The following NBAS variants were observed in gnomAD, a reference collection of about 807,000 sequenced individuals.
NBAS encodes the protein NAG/BC035112 fusion.
Under a neutral mutation model 302.5 loss-of-function variants are expected in NBAS, and 219 were observed. That is an observed-to-expected ratio of 0.72 (90% CI 0.65 to 0.81). The LOEUF is 0.81. Among genes scored for constraint, NBAS ranks in the 30% least tolerant of loss-of-function variants. The probability of loss-of-function intolerance (pLI) is 0.00; values close to 1 mark genes in which losing one functional copy is unlikely to be tolerated. For synonymous variants in NBAS, 1,118 were observed against 1,021.6 expected (o/e 1.09, Z -1.80); for missense variants, 2,932 against 2,841.6 (o/e 1.03, Z -0.72).
At chr2:14,787,582 G>T in the NBAS span, among the ~76,000 whole-genome samples, 5 of 152,194 alleles carry the variant, frequency 3.3e-5, no homozygotes, top group East Asian at 9.7e-4. Flanking sequence ...CACTTATGAA[G>T]CTTAGTTTGG....
At chr2:14,993,781 CAA>C in the NBAS span, among the ~76,000 whole-genome samples, 2 of 152,070 alleles carry the variant, frequency 1.3e-5, no homozygotes, top group Non-Finnish European at 2.9e-5. Context: ...AATGTATTCC[CAA>C]GAGACTTTTA....
In NBAS at chr2:15,439,078, G is replaced by A. The variant is rs965421131; in HGVS notation, c.2340-11284C>T. 1.1e-4 allele frequency among the ~76,000 whole-genome samples: 17 copies of A among 152,170 alleles called. No homozygotes were observed. In the East Asian group the frequency reaches 2.3e-3, roughly 21 times the overall value. On this transcript the variant is annotated intron_variant, in intron 21 of 51. Coordinates refer to ENST00000281513, the MANE Select transcript of NBAS (RefSeq NM_015909.4). ...TGGGAGGCCGAGGCAGGCGGACCAC[G>A]AGGTCTGCAGATCGAGACCATCCTG...
chr2:15,124,064 G>C, the NBAS span, among the ~76,000 whole-genome samples: 60 of 152,294 alleles, frequency 3.9e-4, no homozygotes, highest in African/African-American at 1.4e-3. Context: ...TGAATTCCAG[G>C]CTGACAAGGT....
At chr2:15,021,625 T>C in the NBAS span, among the ~76,000 whole-genome samples, 1 of 148,116 alleles carries the variant, frequency 6.8e-6, no homozygotes, top group East Asian at 2.1e-4. Flanking sequence ...ATTCACCCAC[T>C]TTGGCCCTGA....
At chr2:15,286,933 G>A (rs982916197) in intron 42 of NBAS, 140 bp downstream of exon 42, 2 of 675,954 alleles carry the variant, frequency 3.0e-6, no homozygotes, top group African/African-American at 3.6e-5. Flanking sequence ...AGATGTATAA[G>A]GAAAGAACTT....
chr2:15,186,874 G>T lies in NBAS; in HGVS notation c.6579C>A (p.Thr2193=), dbSNP rs1006731314. 3.1e-6 allele frequency: 5 copies of T among 1,613,726 alleles called. No homozygotes were observed. In the African/African-American group the frequency reaches 5.3e-5, roughly 17 times the overall value. Residue 2193 remains threonine (T), a synonymous_variant, in exon 50 of 52, where the codon ACC becomes ACA. Coordinates refer to ENST00000281513, the MANE Select transcript of NBAS (RefSeq NM_015909.4). ...TAGCTAGTCTCACCCATGGATTATT[G>T]GTTATGCTGGTGTTTATGGAGAAAA... ...WPPMKSEYVI[T]NNPWVRLATV...
the NBAS span, among the ~76,000 whole-genome samples, chr2:14,807,141 A>AG: frequency 0.085 from 12,866 of 150,754 alleles, 1,553 homozygotes; most frequent in African/African-American, 0.27. Context: ...TGTAAATATC[A>AG]GGGGGGGGTT....
At chr2:15,226,520 C>A (rs1667158029) in intron 47 of NBAS, among the ~76,000 whole-genome samples, 2 of 152,224 alleles carry the variant, frequency 1.3e-5, no homozygotes, top group South Asian at 4.2e-4. Context: ...TTATAGATTT[C>A]TTTTATGAAA....
At chr2:15,409,824 A>G (rs1410578552) in intron 25 of NBAS, among the ~76,000 whole-genome samples, 1 of 152,230 alleles carries the variant, frequency 6.6e-6, no homozygotes, top group Non-Finnish European at 1.5e-5. Flanking sequence ...TTGTAAACTT[A>G]TCCTCATCAA....
At chr2:15,421,520 A>G (rs1677211509) in intron 23 of NBAS, among the ~76,000 whole-genome samples, 1 of 152,182 alleles carries the variant, frequency 6.6e-6, no homozygotes, top group South Asian at 2.1e-4. Context: ...GAAGTCCCAC[A>G]TCAATTAAAT....
intron 31 of NBAS, among the ~76,000 whole-genome samples, chr2:15,371,900 T>A (rs1047175765): frequency 6.6e-6 from 1 of 152,210 alleles, no homozygotes; most frequent in Non-Finnish European, 1.5e-5. Context: ...ACACTAATTC[T>A]ATGATTATTT....
chr2:14,882,081 T>G, the NBAS span, among the ~76,000 whole-genome samples: 4 of 152,108 alleles, frequency 2.6e-5, no homozygotes, highest in African/African-American at 4.8e-5. Context: ...CTCTCTCCAT[T>G]ACCCTAGCAC....
chr2:15,505,112 A>G (rs969502074), intron 10 of NBAS, among the ~76,000 whole-genome samples: 2 of 152,224 alleles, frequency 1.3e-5, no homozygotes, highest in Non-Finnish European at 2.9e-5. Context: ...AAGCAAAAAG[A>G]AAGAAATCAC....
At chr2:14,977,277 G>A in the NBAS span, among the ~76,000 whole-genome samples, 227 of 152,188 alleles carry the variant, frequency 1.5e-3, 1 homozygote, top group Middle Eastern at 0.017. Flanking sequence ...ACAAGACTAT[G>A]TTTAAGAATT....
At chr2:15,055,918 T>C in the NBAS span, among the ~76,000 whole-genome samples, 1 of 152,242 alleles carries the variant, frequency 6.6e-6, no homozygotes, top group Admixed American at 6.5e-5. Flanking sequence ...ACCATCATAG[T>C]ATAAATTCTG....
chr2:15,016,362 T>TAC, the NBAS span, among the ~76,000 whole-genome samples: 3 of 152,168 alleles, frequency 2.0e-5, no homozygotes, highest in African/African-American at 7.2e-5. Flanking sequence ...TTATGGGAGC[T>TAC]ACAGTTTGGT....
intron 21 of NBAS, among the ~76,000 whole-genome samples, chr2:15,458,070 G>A (rs183573059): frequency 3.4e-4 from 52 of 152,162 alleles, no homozygotes; most frequent in East Asian, 1.4e-3. Context: ...CTATACAAGC[G>A]CCGCCCTAAC....
Position 15,404,860 on chromosome 2 carries a change from A to G in NBAS, c.2938-2559T>C, listed in dbSNP as rs149305753. Among the ~76,000 whole-genome samples the G allele has an allele frequency of 6.7e-3, 1,027 of 152,232 alleles. 11 individuals carry two copies. The highest frequency in any genetic ancestry group is 0.022 in the African/African-American group (926 of 41,548). The stretch of plus-strand genomic sequence containing the variant: ...AATGTCCTTGAGTCCATATTTGACC[A>G]CATATGTTCAAACTTTACGTTGAGA... On this transcript the variant is annotated intron_variant, in intron 25 of 51. Transcript: ENST00000281513.
the NBAS span, among the ~76,000 whole-genome samples, chr2:15,052,184 A>G: frequency 2.0e-5 from 3 of 152,142 alleles, no homozygotes; most frequent in African/African-American, 4.8e-5. Flanking sequence ...TAAAAGGAAA[A>G]CTGCTTCATA....
Sources: allele counts gnomAD v4.1 joint callset (sites outside exome capture counted in the v4.1 genomes callset), GRCh38; gene constraint gnomAD v4.1.1; transcripts MANE v1.5; gene names NCBI Gene and HGNC (gene_info 2026-07-23, HGNC 2026-07-21).